Variants in AJAP1 observed in about 807,000 individuals in gnomAD.
AJAP1 encodes the protein adherens junctions associated protein 1.
Under a neutral mutation model 35.0 loss-of-function variants are expected in AJAP1, and 5 were observed. The ratio of observed to expected loss-of-function variants is 0.14; its 90% CI spans 0.07 to 0.30. The LOEUF (loss-of-function observed/expected upper bound fraction) is 0.30. Among genes scored for constraint, AJAP1 ranks in the 10% least tolerant of loss-of-function variants. The pLI is 1.00. For synonymous variants in AJAP1, 284 were observed against 249.3 expected (o/e 1.14, Z -1.31); for missense variants, 586 against 571.0 (o/e 1.03, Z -0.27).
intron 1 of AJAP1, among the ~76,000 whole-genome samples, chr1:4,710,176 T>A (rs564514049): frequency 0.01 from 1,361 of 133,736 alleles, 14 homozygotes; most frequent in African/African-American, 0.035. Flanking sequence ...ACAGACACAC[T>A]CACACAGGAA....
chr1:4,677,590 T>TA (rs111902962), intron 1 of AJAP1, among the ~76,000 whole-genome samples: 5 of 151,216 alleles, frequency 3.3e-5, no homozygotes, highest in Non-Finnish European at 7.4e-5. Context: ...AAGGAAGGAT[T>TA]AAAAAAAAAT....
chr1:4,659,026 C>T (rs76789200), intron 1 of AJAP1, among the ~76,000 whole-genome samples: 7,937 of 152,278 alleles, frequency 0.052, 450 homozygotes, highest in Admixed American at 0.16. Context: ...GCCCTGTGTG[C>T]TCCTGGGTTC....
In AJAP1 at chr1:4,772,349, C is replaced by G; in HGVS notation, c.987C>G (p.Cys329Trp). The G allele has an allele frequency of 6.2e-7, 1 of 1,614,196 alleles. No homozygotes were observed. Among genetic ancestry groups the G allele is most frequent in the East Asian group, 2.2e-5 (1 of 44,870 alleles). The change falls in exon 4 of 6, where the codon TGC becomes TGG. Residue 329 changes from cysteine to tryptophan, a missense_variant. Coordinates refer to ENST00000378191, the MANE Select transcript of AJAP1 (RefSeq NM_018836.4). The stretch of plus-strand genomic sequence containing the variant: ...AGACCAACCAGCAGGAGGAGAGCTG[C>G]CAGAACCTCACGGACTTCCCCTCGG... ...QRKTNQQEES[C>W]QNLTDFPSAR... is the part of the protein sequence containing the mutation.
chr1:4,760,329 G>A (rs951898501), intron 2 of AJAP1, among the ~76,000 whole-genome samples: 1 of 151,690 alleles, frequency 6.6e-6, no homozygotes, highest in Admixed American at 6.6e-5. Flanking sequence ...GTGTGTGAAC[G>A]TGTGTGAGTC....
At chr1:4,780,286 A>T (rs931139286) in intron 5 of AJAP1, among the ~76,000 whole-genome samples, 1 of 151,440 alleles carries the variant, frequency 6.6e-6, no homozygotes, top group Non-Finnish European at 1.5e-5. Context: ...GCACCCACTC[A>T]ACACTCACTC....
At chr1:4,739,149 A>G (rs578135060) in intron 2 of AJAP1, among the ~76,000 whole-genome samples, 1 of 152,336 alleles carries the variant, frequency 6.6e-6, no homozygotes, top group African/African-American at 2.4e-5. Flanking sequence ...ACTCAAACAC[A>G]TGTGGGAGAG....
At chr1:4,691,469 T>C (rs1278843362) in intron 1 of AJAP1, among the ~76,000 whole-genome samples, 1 of 152,184 alleles carries the variant, frequency 6.6e-6, no homozygotes, top group Non-Finnish European at 1.5e-5. Context: ...TGCTGGCCCT[T>C]TGGGCTGGGT....
At chr1:4,672,518 A>C (rs762160124) in intron 1 of AJAP1, among the ~76,000 whole-genome samples, 1 of 152,172 alleles carries the variant, frequency 6.6e-6, no homozygotes, top group Non-Finnish European at 1.5e-5. Flanking sequence ...ACTGTCTGGC[A>C]TAAAGTCCTC....
chr1:4,714,833 G>A (rs1640352720), intron 2 of AJAP1, among the ~76,000 whole-genome samples: 1 of 152,198 alleles, frequency 6.6e-6, no homozygotes, highest in African/African-American at 2.4e-5. Flanking sequence ...AAGGCAAAGG[G>A]AAGAGAGGAA....
intron 2 of AJAP1, among the ~76,000 whole-genome samples, chr1:4,731,306 C>A (rs1640791171): frequency 6.6e-6 from 1 of 152,216 alleles, no homozygotes. Flanking sequence ...GTCTCGAACT[C>A]TTGAACTCAG....
At chr1:4,755,217 T>A (rs1462444540) in intron 2 of AJAP1, among the ~76,000 whole-genome samples, 2 of 152,202 alleles carry the variant, frequency 1.3e-5, no homozygotes, top group Non-Finnish European at 2.9e-5. Flanking sequence ...AAAATGGCTG[T>A]TGGTGTCATA....
At chr1:4,664,365 A>T (rs1639068259) in intron 1 of AJAP1, among the ~76,000 whole-genome samples, 1 of 152,194 alleles carries the variant, frequency 6.6e-6, no homozygotes, top group Admixed American at 6.5e-5. Flanking sequence ...CACCGCACAG[A>T]ACATACATGG....
intron 2 of AJAP1, among the ~76,000 whole-genome samples, chr1:4,766,659 C>T (rs146490384): frequency 6.6e-6 from 1 of 152,254 alleles, no homozygotes; most frequent in African/African-American, 2.4e-5. Flanking sequence ...TTGAAGCACA[C>T]GGCTGTTTAC....
At chr1:4,707,780 G>T (rs990449296) in intron 1 of AJAP1, among the ~76,000 whole-genome samples, 9 of 151,922 alleles carry the variant, frequency 5.9e-5, no homozygotes, top group Admixed American at 2.0e-4. Flanking sequence ...GGGGCAGCAG[G>T]GTCCCTGGAA....
chr1:4,727,430 C>T (rs1640691151), intron 2 of AJAP1, among the ~76,000 whole-genome samples: 1 of 152,244 alleles, frequency 6.6e-6, no homozygotes, highest in Admixed American at 6.5e-5. Flanking sequence ...GTTGACTGCA[C>T]AGGCACGTGG....
intron 1 of AJAP1, among the ~76,000 whole-genome samples, chr1:4,695,817 C>T (rs761003271): frequency 4.6e-5 from 7 of 152,252 alleles, no homozygotes; most frequent in South Asian, 4.1e-4. Context: ...ACCCTTTCTC[C>T]GAATGCAGTC....
At chr1:4,747,483 C>T (rs1325402730) in intron 2 of AJAP1, among the ~76,000 whole-genome samples, 2 of 152,208 alleles carry the variant, frequency 1.3e-5, no homozygotes, top group Non-Finnish European at 1.5e-5. Context: ...TCCCCATCCT[C>T]CAGCGCATGT....
chr1:4,655,385 G>C lies in AJAP1; in HGVS notation c.-41G>C, dbSNP rs768800013. 6.5e-6 allele frequency: 10 copies of C among 1,533,264 alleles called. No individual in the cohort carries two copies. Among genetic ancestry groups the C allele is most frequent in the Middle Eastern group, 1.7e-4 (1 of 5,812 alleles). 95.0% of individuals were successfully genotyped at this position (1,533,264 alleles called of 1,614,324 possible). On this transcript the variant is annotated 5_prime_UTR_variant, in exon 1 of 6. Transcript: ENST00000378191. This position sits in a 1 kb window ranked among gnomAD's most constrained non-coding sequence, Gnocchi z 6.9. ...GGCGCGGGCGCCGCGCAGATGGCCT[G>C]GGCGAGCCAGGTCTGAGGCCCCGCT...
rs1570118191 is a variant in AJAP1 at position 4,692,426 on chromosome 1, G to A, written c.30-19474G>A. Reference sequence around the variant, plus strand: ...CAGCAGAGGGATATAGCCTCCGTGGGACTCATCATTACGAGGACTTGTAAT... The same window carrying A: ...CAGCAGAGGGATATAGCCTCCGTGGAACTCATCATTACGAGGACTTGTAAT... On this transcript the variant is annotated intron_variant, in intron 1 of 5. Coordinates refer to ENST00000378191, the MANE Select transcript of AJAP1 (RefSeq NM_018836.4). This position sits in a 1 kb window ranked among gnomAD's most constrained non-coding sequence, Gnocchi z 4.4. Among the ~76,000 whole-genome samples, 1 of 152,182 alleles carries A rather than the reference G, an allele frequency of 6.6e-6. No individual in the cohort carries two copies.
Sources: allele counts gnomAD v4.1 joint callset (sites outside exome capture counted in the v4.1 genomes callset), GRCh38; gene constraint gnomAD v4.1.1; non-coding constraint Gnocchi (gnomAD v3.1); transcripts MANE v1.5; gene names NCBI Gene and HGNC (gene_info 2026-07-23, HGNC 2026-07-21).